LOC122319696: variants seen among roughly 807,000 people sequenced by gnomAD.
At chrX:149,414,942 T>A in the LOC122319696 span, among the ~76,000 whole-genome samples, 72 of 112,172 alleles carry the variant, frequency 6.4e-4, 1 homozygote, top group Non-Finnish European at 1.2e-3. Context: ...ATTATGCTGT[T>A]GTATCTTGTA....
chrX:149,414,959 T>C, the LOC122319696 span, among the ~76,000 whole-genome samples: 1 of 112,070 alleles, frequency 8.9e-6, no homozygotes, highest in South Asian at 3.7e-4. Flanking sequence ...TGTAGGAGTG[T>C]CATTTTTTTT....
At chrX:149,415,106 C>T in the LOC122319696 span, among the ~76,000 whole-genome samples, 1 of 110,870 alleles carries the variant, frequency 9.0e-6, no homozygotes, top group African/African-American at 3.3e-5. Flanking sequence ...TCTTGAACTC[C>T]CATGAAGCAG....
the LOC122319696 span, among the ~76,000 whole-genome samples, chrX:149,414,966 T>A: frequency 4.5e-5 from 5 of 112,196 alleles, no homozygotes; most frequent in Non-Finnish European, 7.5e-5. Flanking sequence ...GTGTCATTTT[T>A]TTTTACAGCA....
chrX:149,415,124 A>G, the LOC122319696 span, among the ~76,000 whole-genome samples: 1 of 111,103 alleles, frequency 9.0e-6, no homozygotes, highest in Non-Finnish European at 1.9e-5. Context: ...CAGTCGTTTT[A>G]TCACCCTCTG....
At chrX:149,415,441 T>C in the LOC122319696 span, among the ~76,000 whole-genome samples, 1 of 111,609 alleles carries the variant, frequency 9.0e-6, no homozygotes, top group Admixed American at 9.5e-5. Context: ...TCCATAACTT[T>C]GCTAGATCCC....
chrX:149,415,083 T>G, the LOC122319696 span, among the ~76,000 whole-genome samples: 1 of 111,250 alleles, frequency 9.0e-6, no homozygotes. Flanking sequence ...GTACTAGTAC[T>G]AGACGATTTT....
chrX:149,415,502 C>G, the LOC122319696 span, among the ~76,000 whole-genome samples: 1 of 111,631 alleles, frequency 9.0e-6, no homozygotes, highest in South Asian at 3.8e-4. Context: ...GTAGTCTTCT[C>G]TACCAGCATA....
At chrX:149,415,087 C>G in the LOC122319696 span, among the ~76,000 whole-genome samples, 1 of 110,808 alleles carries the variant, frequency 9.0e-6, no homozygotes, top group Non-Finnish European at 1.9e-5. Flanking sequence ...TAGTACTAGA[C>G]GATTTTTTTC....
At chrX:149,415,504 A>C in the LOC122319696 span, among the ~76,000 whole-genome samples, 1 of 111,498 alleles carries the variant, frequency 9.0e-6, no homozygotes, top group African/African-American at 3.3e-5. Context: ...AGTCTTCTCT[A>C]CCAGCATATA....
chrX:149,415,253 G>T, the LOC122319696 span, among the ~76,000 whole-genome samples: 1 of 111,475 alleles, frequency 9.0e-6, no homozygotes, highest in Non-Finnish European at 1.9e-5. Context: ...CTAATGAGGG[G>T]GTTTGTGCCA....
At chrX:149,415,028 C>T in the LOC122319696 span, among the ~76,000 whole-genome samples, 3 of 111,039 alleles carry the variant, frequency 2.7e-5, no homozygotes, top group Admixed American at 9.6e-5. Flanking sequence ...TGCTAGTGGC[C>T]GATTCTTGGC....
the LOC122319696 span, among the ~76,000 whole-genome samples, chrX:149,415,464 G>T: frequency 9.0e-6 from 1 of 111,210 alleles, no homozygotes; most frequent in African/African-American, 3.3e-5. Context: ...CAACTTTCTG[G>T]TAACTTTAGC....
At chrX:149,414,894 C>A in the LOC122319696 span, among the ~76,000 whole-genome samples, 1 of 111,821 alleles carries the variant, frequency 8.9e-6, no homozygotes, top group Non-Finnish European at 1.9e-5. Context: ...TTTTTCATAA[C>A]ATGTTGATTT....
chrX:149,414,937 G>A, the LOC122319696 span, among the ~76,000 whole-genome samples: 1 of 111,817 alleles, frequency 8.9e-6, no homozygotes, highest in African/African-American at 3.3e-5. Context: ...GTTTCATTAT[G>A]CTGTTGTATC....
At chrX:149,415,019 G>C in the LOC122319696 span, among the ~76,000 whole-genome samples, 4 of 110,815 alleles carry the variant, frequency 3.6e-5, no homozygotes, top group Admixed American at 3.8e-4. Flanking sequence ...CTCAATCTTT[G>C]CTAGTGGCCG....
chrX:149,415,410 T>G, the LOC122319696 span, among the ~76,000 whole-genome samples: 2 of 111,433 alleles, frequency 1.8e-5, no homozygotes, highest in African/African-American at 3.3e-5. Context: ...GATTAATTGT[T>G]CTGTGCTTGG....
chrX:149,414,951 T>C, the LOC122319696 span, among the ~76,000 whole-genome samples: 1 of 112,176 alleles, frequency 8.9e-6, no homozygotes, highest in East Asian at 2.8e-4. Flanking sequence ...TTGTATCTTG[T>C]AGGAGTGTCA....
the LOC122319696 span, among the ~76,000 whole-genome samples, chrX:149,414,885 T>A: frequency 3.1e-4 from 35 of 111,993 alleles, no homozygotes; most frequent in Middle Eastern, 9.1e-3. Flanking sequence ...AATAAAGGGT[T>A]TTTCATAACA....
At chrX:149,415,505 C>T in the LOC122319696 span, among the ~76,000 whole-genome samples, 69 of 111,593 alleles carry the variant, frequency 6.2e-4, no homozygotes, top group Admixed American at 1.2e-3. Context: ...GTCTTCTCTA[C>T]CAGCATATAA....
Sources: gnomAD v4.1 joint callset for allele counts (sites outside exome capture counted in the v4.1 genomes callset) on GRCh38, gnomAD v4.1.1 for gene constraint, MANE v1.5 for transcripts.